Variants in ATP2B2 observed in about 807,000 individuals in gnomAD.
ATP2B2 encodes plasma membrane calcium-transporting ATPase 2.
Under a neutral mutation model 120.0 loss-of-function variants are expected in ATP2B2, and 15 were observed. That is an observed-to-expected ratio of 0.12 (90% CI 0.08 to 0.19). The LOEUF (loss-of-function observed/expected upper bound fraction) is 0.19, where lower values mean the gene tolerates loss of function less well. Ranked by LOEUF, ATP2B2 falls within the 10% of genes least tolerant of loss-of-function variation. The pLI, the probability that ATP2B2 is intolerant of heterozygous loss-of-function variation, is 1.00. For missense variants in ATP2B2, 1,045 were observed against 1,719.8 expected (o/e 0.61, Z 6.94); for synonymous variants, 694 against 700.3 (o/e 0.99, Z 0.14).
At chr3:10,593,587 G>T (rs1421749325) in intron 2 of ATP2B2, among the ~76,000 whole-genome samples, 6 of 152,086 alleles carry the variant, frequency 3.9e-5, no homozygotes, top group African/African-American at 7.2e-5. Context: ...AGACTTAAAT[G>T]TTAGACCTAA....
At chr3:10,443,526 G>C (rs946846014) in intron 2 of ATP2B2, among the ~76,000 whole-genome samples, 4 of 151,918 alleles carry the variant, frequency 2.6e-5, no homozygotes, top group Admixed American at 1.3e-4. Context: ...CGCATTGACC[G>C]GGATGGGAGG....
At chr3:10,524,678 T>C (rs1434506766) in intron 3 of ATP2B2, among the ~76,000 whole-genome samples, 1 of 152,104 alleles carries the variant, frequency 6.6e-6, no homozygotes, top group Non-Finnish European at 1.5e-5. Context: ...GTCAATCAAC[T>C]CCTTTAACCT....
intron 1 of ATP2B2, among the ~76,000 whole-genome samples, chr3:10,452,014 T>C (rs1475098759): frequency 6.6e-6 from 1 of 152,220 alleles, no homozygotes; most frequent in Non-Finnish European, 1.5e-5. Flanking sequence ...TAGTAAACAA[T>C]TGTTAAATGA....
chr3:10,634,336 T>C (rs1028465577), intron 1 of ATP2B2, among the ~76,000 whole-genome samples: 5 of 152,200 alleles, frequency 3.3e-5, no homozygotes, highest in Non-Finnish European at 7.3e-5. Context: ...AGACCCTGGT[T>C]TCCATGGTTC....
chr3:10,707,595 G>C (rs1435409195), intron 1 of ATP2B2, among the ~76,000 whole-genome samples: 1 of 152,180 alleles, frequency 6.6e-6, no homozygotes, highest in Non-Finnish European at 1.5e-5. Context: ...CAGCTCCGGG[G>C]CTGCTCCGAG....
intron 1 of ATP2B2, among the ~76,000 whole-genome samples, chr3:10,461,431 T>TG (rs970169026): frequency 6.6e-6 from 1 of 152,200 alleles, no homozygotes; most frequent in African/African-American, 2.4e-5. Flanking sequence ...TGAGAGCACG[T>TG]GGGGATAAGC....
intron 1 of ATP2B2, among the ~76,000 whole-genome samples, chr3:10,464,374 C>T (rs1369013827): frequency 6.6e-6 from 1 of 152,116 alleles, no homozygotes; most frequent in Non-Finnish European, 1.5e-5. Flanking sequence ...GATGAAGCTG[C>T]ACAGAGCCAA....
At chr3:10,645,510 G>T (rs1039411687) in intron 1 of ATP2B2, among the ~76,000 whole-genome samples, 3 of 152,168 alleles carry the variant, frequency 2.0e-5, no homozygotes, top group Non-Finnish European at 4.4e-5. Flanking sequence ...TACATGTGTG[G>T]ACGCACACAG....
At chr3:10,415,271 C>T (rs2062742015) in intron 2 of ATP2B2, among the ~76,000 whole-genome samples, 1 of 152,176 alleles carries the variant, frequency 6.6e-6, no homozygotes, top group Non-Finnish European at 1.5e-5. Context: ...GTGCCTGGCA[C>T]CGGGTAGATG....
At chr3:10,600,054 G>A (rs2125590549) in intron 2 of ATP2B2, among the ~76,000 whole-genome samples, 1 of 150,828 alleles carries the variant, frequency 6.6e-6, no homozygotes, top group East Asian at 2.0e-4. Flanking sequence ...CCATTTCTGT[G>A]CAAGAAACCA....
intron 12 of ATP2B2, among the ~76,000 whole-genome samples, chr3:10,364,806 T>A (rs952154528): frequency 2.0e-5 from 3 of 152,180 alleles, no homozygotes; most frequent in Non-Finnish European, 4.4e-5. Context: ...AATGTGATGA[T>A]TTTTCTAAGA....
intron 2 of ATP2B2, among the ~76,000 whole-genome samples, chr3:10,560,222 C>G (rs760338715): frequency 2.6e-5 from 4 of 152,172 alleles, no homozygotes; most frequent in African/African-American, 7.2e-5. Flanking sequence ...AATGGCGTGT[C>G]GCAGGCAGGC....
chr3:10,597,276 C>T (rs2068793824), intron 2 of ATP2B2, among the ~76,000 whole-genome samples: 1 of 139,950 alleles, frequency 7.1e-6, no homozygotes, highest in African/African-American at 3.2e-5. Flanking sequence ...CACAGGCACA[C>T]ACACAGGTAC....
chr3:10,386,935 T>G lies in ATP2B2; in HGVS notation c.908-423A>C, dbSNP rs766542774. Among the ~76,000 whole-genome samples, 4 of 152,298 alleles carry G rather than the reference T, an allele frequency of 2.6e-5. No individual in the cohort carries two copies. In the East Asian group the frequency reaches 7.7e-4, roughly 29 times the overall value. On this transcript the variant is annotated intron_variant, in intron 6 of 22. Coordinates refer to ENST00000360273, the MANE Select transcript of ATP2B2 (RefSeq NM_001001331.4). ...TACTGGCATTTAAAAACCACAGATC[T>G]GGCCCTGCTAGCATTTTAAAAACCA...
At position 10,686,653 on chromosome 3, in the gene ATP2B2, C is replaced by CA. The variant is rs796777529; in HGVS notation, c.-460+21261dup. 2.4e-3 allele frequency among the ~76,000 whole-genome samples: 333 copies of CA among 140,414 alleles called. 2 individuals carry two copies. The highest frequency in any genetic ancestry group is 5.6e-3 in the African/African-American group (216 of 38,284). 92.1% of individuals were successfully genotyped at this position (140,414 alleles called of 152,430 possible). A position where few individuals can be genotyped will look rare whatever the true frequency, so the allele number is the denominator to read the frequency against. ...TAGGCGACAGTGCGAGACTCCATCT[C>CA]AAAAAAAAAAAAGCACGCAATCATT... is the stretch of plus-strand genomic sequence containing the variant. On this transcript the variant is annotated intron_variant, in intron 1 of 21. Coordinates refer to the ATP2B2 transcript ENST00000646379.
In ATP2B2 at chr3:10,635,486, T is replaced by A. The variant is rs1004882454; in HGVS notation, c.-459-15525A>T. On this transcript the variant is annotated intron_variant, in intron 1 of 21. Transcript: ENST00000646379. This position sits in a 1 kb window ranked among gnomAD's most constrained non-coding sequence, Gnocchi z 4.3. ...CTACAGCGGTGAAATTTCTCCATCC[T>A]GCTTACGTGCCAGAGACTCTAAAGC... Among the ~76,000 whole-genome samples the A allele has an allele frequency of 6.6e-6, 1 of 152,162 alleles. No homozygotes were observed. Among genetic ancestry groups the A allele is most frequent in the Non-Finnish European group, 1.5e-5 (1 of 68,030 alleles).
At chr3:10,379,071 A>T (rs975125330) in intron 9 of ATP2B2, among the ~76,000 whole-genome samples, 172 bp downstream of exon 9, 2 of 152,120 alleles carry the variant, frequency 1.3e-5, no homozygotes, top group Non-Finnish European at 2.9e-5. Flanking sequence ...ACACCTCTTT[A>T]TTTGGCCTGG....
At chr3:10,338,805 G>A (rs907424771) in intron 21 of ATP2B2, 13 of 251,058 alleles carry the variant, frequency 5.2e-5, no homozygotes, top group South Asian at 9.0e-5. Context: ...GGTCTAACTC[G>A]TCCTGCATGA....
rs371873558 is a variant in ATP2B2, at chr3:10,496,682, C to T, written c.-320+8783G>A. Among the ~76,000 whole-genome samples, 12 of 152,176 alleles carry T rather than the reference C, an allele frequency of 7.9e-5. No homozygotes were observed. In the East Asian group the frequency reaches 1.4e-3, roughly 17 times the overall value. ...GACACTAGCTCCACCCCTCCAACCCCGCCCCTTCCCCCGTGACCTGGACAT... is the reference window on the plus strand; with the variant it reads ...GACACTAGCTCCACCCCTCCAACCCTGCCCCTTCCCCCGTGACCTGGACAT... On this transcript the variant is annotated intron_variant, in intron 1 of 22. Coordinates refer to ENST00000360273, the MANE Select transcript of ATP2B2 (RefSeq NM_001001331.4).
Sources: gnomAD v4.1 joint callset for allele counts (sites outside exome capture counted in the v4.1 genomes callset) on GRCh38, gnomAD v4.1.1 for gene constraint, Gnocchi (gnomAD v3.1) non-coding constraint, MANE v1.5 for transcripts, NCBI Gene and HGNC (gene_info 2026-07-23, HGNC 2026-07-21) for gene names.